Variants in BBX observed in about 807,000 individuals in gnomAD.
BBX encodes the protein HMG box transcription factor BBX.
A neutral mutation model predicts 100.2 loss-of-function variants in BBX; 30 were observed. The observed-to-expected ratio is 0.30, with a 90% CI of 0.22 to 0.41. The LOEUF (loss-of-function observed/expected upper bound fraction) is 0.41, where lower values mean the gene tolerates loss of function less well. BBX is among the 10% of genes least tolerant of loss of function. The pLI is 1.00. For missense variants in BBX, 1,023 were observed against 1,129.8 expected, an observed-to-expected ratio of 0.91 and a Z score of 1.35; for synonymous variants, 376 against 388.1, an observed-to-expected ratio of 0.97 and a Z score of 0.37.
chr3:107,646,592 C>T (rs891903212), intron 3 of BBX, among the ~76,000 whole-genome samples: 1 of 151,818 alleles, frequency 6.6e-6, no homozygotes, highest in Admixed American at 6.6e-5. Context: ...ACTTAAATGC[C>T]TAGAGTTTTC....
intron 2 of BBX, among the ~76,000 whole-genome samples, chr3:107,642,733 A>G (rs2057292164): frequency 6.6e-6 from 1 of 151,954 alleles, no homozygotes; most frequent in Non-Finnish European, 1.5e-5. Context: ...CAGTATGGCT[A>G]TTTTTGTTGT....
In BBX at chr3:107,747,875, A is replaced by AGT. The variant is rs1024547781; in HGVS notation, c.751-87_751-86dup. 31 of 1,019,882 alleles carry AGT rather than the reference A, an allele frequency of 3.0e-5. No homozygotes were observed. The African/African-American group carries it at 5.1e-4, about 17-fold the overall frequency. 63.2% of individuals were successfully genotyped at this position (1,019,882 alleles called of 1,614,324 possible). On this transcript the variant is annotated intron_variant, in intron 8 of 17. Transcript: ENST00000325805. ...AATGACTCATTTTTAAATCTTTATCAGTGTCTACAGTTGAAAATATATGGC... is the reference window on the plus strand; with the variant it reads ...AATGACTCATTTTTAAATCTTTATCAGTGTGTCTACAGTTGAAAATATATGGC...
intron 2 of BBX, among the ~76,000 whole-genome samples, chr3:107,584,569 C>T (rs1215678307): frequency 7.0e-6 from 1 of 143,200 alleles, no homozygotes; most frequent in Admixed American, 7.3e-5. Context: ...ATGCTTAACA[C>T]AGAACAATGG....
At chr3:107,670,991 G>T (rs748266492) in intron 3 of BBX, among the ~76,000 whole-genome samples, 13 of 151,984 alleles carry the variant, frequency 8.6e-5, no homozygotes, top group Admixed American at 2.6e-4. Context: ...ATGTCTGTTA[G>T]TTGTGTTCTG....
chr3:107,589,296 C>T (rs1175889950), intron 2 of BBX, among the ~76,000 whole-genome samples: 1 of 152,130 alleles, frequency 6.6e-6, no homozygotes, highest in Non-Finnish European at 1.5e-5. Flanking sequence ...GTATTTGGTT[C>T]TTTACCTCCG....
At chr3:107,647,928 C>A (rs1254808017) in intron 3 of BBX, among the ~76,000 whole-genome samples, 1 of 152,132 alleles carries the variant, frequency 6.6e-6, no homozygotes, top group African/African-American at 2.4e-5. Context: ...TGACTCTTAA[C>A]AAGGCTGCTT....
intron 10 of BBX, among the ~76,000 whole-genome samples, chr3:107,764,079 G>C (rs1182352226): frequency 1.3e-5 from 2 of 152,122 alleles, no homozygotes; most frequent in Non-Finnish European, 2.9e-5. Flanking sequence ...TGCAACCTCT[G>C]CCTCCTGGGT....
chr3:107,711,554 G>A (rs1216704665), intron 4 of BBX, among the ~76,000 whole-genome samples: 1 of 152,008 alleles, frequency 6.6e-6, no homozygotes, highest in African/African-American at 2.4e-5. Context: ...ACCCTCTAAG[G>A]TCTCTCTTAC....
At chr3:107,585,167 G>A (rs1165804244) in intron 2 of BBX, among the ~76,000 whole-genome samples, 2 of 152,164 alleles carry the variant, frequency 1.3e-5, no homozygotes, top group East Asian at 1.9e-4. Flanking sequence ...AAGGTGAGGA[G>A]GTAACCCACC....
At chr3:107,728,739 T>C (rs1172221871) in intron 5 of BBX, 26 bp from the exon 6 acceptor site, 1 of 1,574,596 alleles carries the variant, frequency 6.4e-7, no homozygotes, top group Non-Finnish European at 8.6e-7. Context: ...TTAATTAAAA[T>C]CTGCTGTCTG....
At position 107,537,404 on chromosome 3, in the gene BBX, C is replaced by T. The variant is rs538076198; in HGVS notation, c.-84+11006C>T. Among the ~76,000 whole-genome samples, 191 of 152,270 alleles carry T rather than the reference C, an allele frequency of 1.3e-3. 1 individual carries two copies. The highest frequency in any genetic ancestry group is 2.2e-3 in the Non-Finnish European group (152 of 68,016). ...CATATGCCAATAAAAATACTACAAA[C>T]CACTGTAGCTGATACTTTTAGTTAA... On this transcript the variant is annotated intron_variant, in intron 2 of 17. Transcript: ENST00000325805.
At position 107,710,503 on chromosome 3, in the gene BBX, G is replaced by T. The variant is rs1462350534; in HGVS notation, c.43G>T (p.Glu15Ter). Residue 15 changes from glutamate (E) to a stop codon, truncating the protein, a stop_gained, in exon 4 of 18, where the codon GAA becomes TAA. Transcript: ENST00000325805. LOFTEE classifies it high-confidence loss of function. ...NRNKDHSAEG[E>*]GVGKRPKRKC... is the part of the protein sequence containing the mutation. ...AAATAAGGATCATTCAGCAGAAGGA[G>T]AAGGGGTTGGAAAACGACCAAAACG... The T allele has an allele frequency of 6.2e-7, 1 of 1,613,714 alleles. No homozygotes were observed. Among genetic ancestry groups the T allele is most frequent in the Admixed American group, 1.7e-5 (1 of 59,994 alleles).
chr3:107,544,049 T>G (rs1331040164), intron 2 of BBX, among the ~76,000 whole-genome samples: 1 of 152,222 alleles, frequency 6.6e-6, no homozygotes, highest in Non-Finnish European at 1.5e-5. Flanking sequence ...GTTAGTATAT[T>G]TGTAAGTTTT....
At chr3:107,741,073 A>C (rs1223999302) in intron 7 of BBX, among the ~76,000 whole-genome samples, 3 of 151,494 alleles carry the variant, frequency 2.0e-5, no homozygotes, top group African/African-American at 7.3e-5. Context: ...TAATCAATAA[A>C]TGTTTGAATT....
At chr3:107,660,331 C>G (rs1012345289) in intron 3 of BBX, among the ~76,000 whole-genome samples, 5 of 151,700 alleles carry the variant, frequency 3.3e-5, no homozygotes, top group Admixed American at 6.6e-5. Flanking sequence ...TTCTGGTTTG[C>G]AATACTTGGG....
At chr3:107,568,534 C>T (rs545450455) in intron 2 of BBX, among the ~76,000 whole-genome samples, 1 of 152,284 alleles carries the variant, frequency 6.6e-6, no homozygotes, top group South Asian at 2.1e-4. Flanking sequence ...GCTGGGATTA[C>T]AGGCATGAGC....
chr3:107,677,745 G>T (rs889302208), intron 3 of BBX, among the ~76,000 whole-genome samples: 2 of 152,122 alleles, frequency 1.3e-5, no homozygotes, highest in Non-Finnish European at 2.9e-5. Flanking sequence ...ATATTTTTAA[G>T]TTACTTGTAA....
intron 5 of BBX, among the ~76,000 whole-genome samples, chr3:107,725,263 C>A (rs1210225192): frequency 6.6e-6 from 1 of 152,044 alleles, no homozygotes. Flanking sequence ...GATTTTGTAT[C>A]CTGAGACTTT....
chr3:107,657,874 T>A (rs2058237852), intron 3 of BBX, among the ~76,000 whole-genome samples: 1 of 152,104 alleles, frequency 6.6e-6, no homozygotes, highest in African/African-American at 2.4e-5. Context: ...AAAGTGGAAT[T>A]GTTGAAAATA....
Sources: allele counts gnomAD v4.1 joint callset (sites outside exome capture counted in the v4.1 genomes callset), GRCh38; gene constraint gnomAD v4.1.1; transcripts MANE v1.5; gene names NCBI Gene and HGNC (gene_info 2026-07-23, HGNC 2026-07-21).